MALAT1: variants seen among roughly 807,000 people sequenced by gnomAD.
MALAT1 encodes hepcarcin.
chr11:65,504,718 A>T (rs758712672), intron 3 of MALAT1: 1 of 518,978 alleles, frequency 1.9e-6, no homozygotes, highest in South Asian at 1.4e-5. Flanking sequence ...TCAAGAAATT[A>T]AACTGGCAAG....
At chr11:65,499,414 T>G (rs898284244) in exon 3 of MALAT1, 2 of 483,288 alleles carry the variant, frequency 4.1e-6, no homozygotes, top group African/African-American at 3.9e-5. Flanking sequence ...GCTTTTAGAT[T>G]AAAATGAAGG....
At chr11:65,501,961 G>A (rs772132386) in exon 3 of MALAT1, 1 of 515,314 alleles carries the variant, frequency 1.9e-6, no homozygotes, top group South Asian at 1.4e-5. Flanking sequence ...AGAACTTAAA[G>A]TCTTAGAATG....
At chr11:65,500,029 A>G (rs1332856728) in exon 3 of MALAT1, 1 of 431,784 alleles carries the variant, frequency 2.3e-6, no homozygotes, top group Non-Finnish European at 4.5e-6. Flanking sequence ...TTAAAAGCCC[A>G]TCAATTTAAT....
At chr11:65,504,969 A>C (rs938166454) in intron 3 of MALAT1, 1 of 518,858 alleles carries the variant, frequency 1.9e-6, no homozygotes, top group Admixed American at 1.9e-5. Context: ...TCTTCAGACT[A>C]TAGAAGGAGC....
exon 3 of MALAT1, chr11:65,500,921 T>C: frequency 1.9e-6 from 1 of 513,252 alleles, no homozygotes; most frequent in Non-Finnish European, 3.9e-6. Context: ...GGTTTCTCTT[T>C]TTCAGGCTTA....
chr11:65,497,799 C>T (rs764756081), exon 1 of MALAT1: 41 of 503,720 alleles, frequency 8.1e-5, no homozygotes, highest in South Asian at 4.3e-5. Context: ...CTCTCCTGCC[C>T]TCTTAAGCGC....
exon 3 of MALAT1, chr11:65,503,036 A>C (rs1197962368): frequency 2.0e-6 from 1 of 506,548 alleles, no homozygotes; most frequent in Non-Finnish European, 3.9e-6. Context: ...GGAATAAAAG[A>C]AGCCGAAATA....
Position 65,502,458 on chromosome 11 carries a change from A to C in MALAT1, n.3721A>C, listed in dbSNP as rs555747835. 5.2e-5 allele frequency: 26 copies of C among 499,972 alleles called. No homozygotes were observed. The East Asian group carries it at 1.1e-3, about 21-fold the overall frequency. 31.0% of individuals were successfully genotyped at this position (499,972 alleles called of 1,614,324 possible). On this transcript the variant is annotated non_coding_transcript_exon_variant, in exon 3 of 4. Transcript: ENST00000619449. ...TTTAGTGTAGGAGAAATACTTTTCC[A>C]TTGTTTAACTGCAAAACAAGATGTT...
chr11:65,502,062 G>A, exon 3 of MALAT1: 1 of 517,536 alleles, frequency 1.9e-6, no homozygotes, highest in Non-Finnish European at 3.9e-6. Context: ...GAAGCTGGGG[G>A]AAGTTAAATA....
exon 3 of MALAT1, chr11:65,500,087 G>A (rs1565676522): frequency 2.2e-6 from 1 of 459,750 alleles, no homozygotes; most frequent in South Asian, 1.6e-5. Context: ...AGATGAGGGT[G>A]TTTACGTAGA....
intron 1 of MALAT1, chr11:65,498,591 C>CCACT: frequency 1.9e-6 from 1 of 518,762 alleles, no homozygotes; most frequent in Non-Finnish European, 3.9e-6. Context: ...CGCCATTTTG[C>CCACT]CACTTCTCAA....
exon 3 of MALAT1, chr11:65,503,572 A>AT: frequency 1.9e-6 from 1 of 517,344 alleles, no homozygotes; most frequent in Non-Finnish European, 3.9e-6. Context: ...TGTGATGTAA[A>AT]TTGTGTAGAA....
chr11:65,502,547 T>C, exon 3 of MALAT1: 1 of 484,096 alleles, frequency 2.1e-6, no homozygotes, highest in Non-Finnish European at 4.0e-6. Flanking sequence ...AAATTGTAAC[T>C]GATTAAGAAT....
At chr11:65,503,708 G>A (rs377498423) in exon 3 of MALAT1, 5 of 517,610 alleles carry the variant, frequency 9.7e-6, no homozygotes, top group African/African-American at 9.6e-5. Context: ...TCTTGGGGGG[G>A]ATTCTTCTCT....
intron 3 of MALAT1, chr11:65,505,390 C>G (rs776033115): frequency 5.8e-6 from 3 of 516,470 alleles, no homozygotes; most frequent in Non-Finnish European, 1.2e-5. Flanking sequence ...CCCTGGGCTT[C>G]TCTTAACATT....
At chr11:65,503,048 ATGAG>A (rs1565054355) in exon 3 of MALAT1, 2 of 508,560 alleles carry the variant, frequency 3.9e-6, no homozygotes, top group Non-Finnish European at 7.8e-6. Flanking sequence ...GCCGAAATAA[ATGAG>A]AGATGAGTTG....
intron 3 of MALAT1, chr11:65,505,840 CTG>C (rs758933117): frequency 8.3e-6 from 4 of 479,606 alleles, no homozygotes; most frequent in Non-Finnish European, 1.7e-5. Context: ...TGTTCAAGAA[CTG>C]TAATGCTGGG....
At chr11:65,500,559 G>T in exon 3 of MALAT1, 1 of 518,950 alleles carries the variant, frequency 1.9e-6, no homozygotes, top group Non-Finnish European at 3.8e-6. Flanking sequence ...TTTGGTGAAG[G>T]AAGCTAGGAA....
exon 3 of MALAT1, chr11:65,499,213 T>G (rs371656461): frequency 4.0e-6 from 2 of 502,662 alleles, no homozygotes; most frequent in African/African-American, 4.0e-5. Flanking sequence ...TTTAACGTAA[T>G]TTTAATAGCT....
Sources: allele counts gnomAD v4.1 joint callset, GRCh38; gene constraint gnomAD v4.1.1; transcripts MANE v1.5; gene names NCBI Gene and HGNC (gene_info 2026-07-23, HGNC 2026-07-21).